The following CUBN variants were observed in gnomAD, a reference collection of about 807,000 sequenced individuals.
CUBN encodes cubilin.
CUBN carries 282 observed loss-of-function variants against 405.3 expected under a neutral mutation model. That is an observed-to-expected ratio of 0.70 (90% confidence interval 0.63 to 0.77). The LOEUF is 0.77. CUBN is among the 30% of genes least tolerant of loss of function. The probability of loss-of-function intolerance (pLI) is 0.00; values close to 1 mark genes in which losing one functional copy is unlikely to be tolerated. For missense variants in CUBN, 4,514 were observed against 4,475.2 expected (o/e 1.01, Z -0.25); for synonymous variants, 1,684 against 1,617.0 (o/e 1.04, Z -0.99).
intron 6 of CUBN, among the ~76,000 whole-genome samples, chr10:17,119,681 A>G (rs977799912): frequency 2.6e-5 from 4 of 152,066 alleles, no homozygotes; most frequent in African/African-American, 9.7e-5. Flanking sequence ...AAACAAAACA[A>G]AGTGAGCAGG....
At chr10:16,914,103 A>G (rs1841812677) in intron 47 of CUBN, 111 bp from the exon 48 acceptor site, 1 of 1,134,378 alleles carries the variant, frequency 8.8e-7, no homozygotes, top group African/African-American at 1.5e-5. Context: ...AGATAAAATT[A>G]GTCTCCATAT....
At chr10:16,950,170 G>A (rs1842891423) in intron 33 of CUBN, 59 bp from the exon 34 acceptor site, 1 of 1,210,744 alleles carries the variant, frequency 8.3e-7, no homozygotes, top group South Asian at 1.3e-5. Context: ...CATACAGGGA[G>A]ATGGGGCAAG....
At chr10:16,890,582 A>C in intron 54 of CUBN, 55 bp from the exon 55 acceptor site, 1 of 1,587,742 alleles carries the variant, frequency 6.3e-7, no homozygotes, top group Non-Finnish European at 8.6e-7. Flanking sequence ...TCAATATTTT[A>C]ATGCACTTAG....
At chr10:16,926,304 G>A (rs1438879451) in intron 41 of CUBN, among the ~76,000 whole-genome samples, 1 of 152,158 alleles carries the variant, frequency 6.6e-6, no homozygotes, top group Non-Finnish European at 1.5e-5. Context: ...GAATGGATGA[G>A]GCAGAATGAG....
intron 25 of CUBN, 67 bp downstream of exon 25, chr10:17,044,940 A>G: frequency 6.9e-7 from 1 of 1,453,246 alleles, no homozygotes; most frequent in Non-Finnish European, 9.7e-7. Context: ...TCGAAAATAA[A>G]AATAAGTGCA....
In CUBN at chr10:16,889,953, A is replaced by AAAAAAG. The variant is rs57009841; in HGVS notation, c.8755+417_8755+418insCTTTTT. ...GCCGTGTCAAAAAAAAAAAAAAAAA[A>AAAAAAG]CAGGAAAGACTTCGTCATGGAAATT... On this transcript the variant is annotated intron_variant, in intron 55 of 66. Coordinates refer to ENST00000377833, the MANE Select transcript of CUBN (RefSeq NM_001081.4). Among the ~76,000 whole-genome samples, 104 of 118,002 alleles carry AAAAAAG rather than the reference A, an allele frequency of 8.8e-4. 3 individuals are homozygous for AAAAAAG. The highest frequency in any genetic ancestry group is 4.5e-3 in the Middle Eastern group (1 of 222). 77.4% of individuals were successfully genotyped at this position (118,002 alleles called of 152,430 possible).
At position 16,906,400 on chromosome 10, in the gene CUBN, C is replaced by T; in HGVS notation, c.7715G>A (p.Gly2572Glu). Residue 2572 changes from glycine (G) to glutamate (E), a missense_variant, in exon 50 of 67, where the codon GGG becomes GAG. Physicochemically the swap from Gly to Glu is moderately conservative, Grantham distance 98. This residue lies in a region of CUBN where 1,613 missense variants were observed against 1,542.8 expected (regional missense o/e 1.05). Transcript: ENST00000377833. ...TCCTTCAGGAGTATTTGGAAGAGAC[C>T]CACCACACACTAAGAAAACAGAAGG... ...YTSSEDAVCGGSLPNTPEGNF... is the reference protein window; with the variant it reads ...YTSSEDAVCGESLPNTPEGNF... The T allele has an allele frequency of 6.2e-7, 1 of 1,612,042 alleles. No individual in the cohort carries two copies. Among genetic ancestry groups the T allele is most frequent in the Non-Finnish European group, 8.5e-7 (1 of 1,178,252 alleles).
chr10:17,005,453 A>G (rs976750832), intron 28 of CUBN, among the ~76,000 whole-genome samples: 5 of 152,196 alleles, frequency 3.3e-5, no homozygotes, highest in Non-Finnish European at 5.9e-5. Flanking sequence ...TACTGCCCCA[A>G]TGGAGAATGC....
chr10:16,866,036 CCCCCTGCTGTCT>C (rs1840173598), intron 59 of CUBN, among the ~76,000 whole-genome samples: 1 of 152,134 alleles, frequency 6.6e-6, no homozygotes, highest in Admixed American at 6.5e-5. Flanking sequence ...TGCTGTCTGT[CCCCCTGCTGTCT>C]TGCAGGGGAC....
chr10:16,966,636 A>G (rs2131661201), intron 31 of CUBN, among the ~76,000 whole-genome samples: 1 of 152,200 alleles, frequency 6.6e-6, no homozygotes, highest in South Asian at 2.1e-4. Context: ...TTTAGTAGAG[A>G]CAGGGTCTCA....
chr10:17,076,272 C>T (rs1333974355), intron 17 of CUBN, among the ~76,000 whole-genome samples: 3 of 152,128 alleles, frequency 2.0e-5, no homozygotes, highest in Admixed American at 6.5e-5. Context: ...GATTTTGGCT[C>T]TGTTTCTCTC....
chr10:16,924,006 G>A (rs1281294777), intron 43 of CUBN, among the ~76,000 whole-genome samples: 3 of 152,204 alleles, frequency 2.0e-5, no homozygotes, highest in Non-Finnish European at 2.9e-5. Context: ...GGGAGGCAGA[G>A]GTTGCAGTAG....
At chr10:17,051,955 C>T (rs563736699) in intron 22 of CUBN, among the ~76,000 whole-genome samples, 4 of 151,940 alleles carry the variant, frequency 2.6e-5, no homozygotes, top group Admixed American at 2.0e-4. Flanking sequence ...TCAGTCAATA[C>T]TAAACAGGAG....
rs185842635 is a variant in CUBN, at chr10:17,032,651, G to A, written c.4017+8382C>T. 2.4e-4 allele frequency among the ~76,000 whole-genome samples: 36 copies of A among 152,254 alleles called. No homozygotes were observed. The East Asian group carries it at 5.2e-3, about 22-fold the overall frequency. ...ATTCTCAAAATAACATCTGAGATGC[G>A]AATAACTCTCTAATGCCTCATGAAC... On this transcript the variant is annotated intron_variant, in intron 27 of 66. Transcript: ENST00000377833.
chr10:16,931,328 C>G (rs1454147753), intron 40 of CUBN, among the ~76,000 whole-genome samples: 1 of 151,686 alleles, frequency 6.6e-6, no homozygotes, highest in Non-Finnish European at 1.5e-5. Flanking sequence ...GACTACAATA[C>G]TCACCAACTG....
chr10:16,903,559 T>G (rs527313835), intron 51 of CUBN, among the ~76,000 whole-genome samples: 4 of 151,074 alleles, frequency 2.6e-5, no homozygotes, highest in Admixed American at 2.6e-4. Flanking sequence ...AGCTAGATCT[T>G]TGGACTAAAG....
chr10:16,836,154 C>A, intron 63 of CUBN, 81 bp downstream of exon 63: 1 of 1,373,226 alleles, frequency 7.3e-7, no homozygotes, highest in South Asian at 1.2e-5. Flanking sequence ...GGAGTCAATT[C>A]TAGAAATAAT....
At chr10:16,832,882 C>T (rs1367413845) in intron 64 of CUBN, among the ~76,000 whole-genome samples, 1 of 152,182 alleles carries the variant, frequency 6.6e-6, no homozygotes, top group East Asian at 1.9e-4. Flanking sequence ...GCTGAGGCTT[C>T]CTGGTACAGC....
In CUBN at chr10:16,835,020, G is replaced by A; in HGVS notation, c.10356C>T (p.Phe3452=). The A allele has an allele frequency of 6.2e-7, 1 of 1,613,730 alleles. No individual in the cohort carries two copies. The highest frequency in any genetic ancestry group is 8.5e-7 in the Non-Finnish European group (1 of 1,179,650). Residue 3452 remains phenylalanine, a synonymous_variant, in exon 64 of 67, where the codon TTC becomes TTT. Transcript: ENST00000377833. ...IENSVECRND[F]LEVRNGSNSN... ...ATATTCAAATGCATATCACCTCCAAGAAATCGTTTCTGCATTCAACTGAGT... is the reference window on the plus strand; with the variant it reads ...ATATTCAAATGCATATCACCTCCAAAAAATCGTTTCTGCATTCAACTGAGT...
Sources: gnomAD v4.1 joint callset for allele counts (sites outside exome capture counted in the v4.1 genomes callset) on GRCh38, gnomAD v4.1.1 for gene constraint, gnomAD v4.1.1 regional missense constraint, MANE v1.5 for transcripts, NCBI Gene and HGNC (gene_info 2026-07-23, HGNC 2026-07-21) for gene names.